Variants in RPA3 observed in about 807,000 individuals in gnomAD.
The protein encoded by RPA3 is replication protein A 14 kDa subunit.
A neutral mutation model predicts 13.7 loss-of-function variants in RPA3; 24 were observed. That is an observed-to-expected ratio of 1.75 (90% CI 1.27 to 2.46). RPA3 has a LOEUF of 2.46. RPA3 is among the 30% of genes most tolerant of loss of function. RPA3 has a pLI of 0.00. For synonymous variants in RPA3, 59 were observed against 51.2 expected, an observed-to-expected ratio of 1.15 and a Z score of -0.65; for missense variants, 183 against 151.0, an observed-to-expected ratio of 1.21 and a Z score of -1.11.
chr7:7,692,690 A>G (rs894108962), intron 2 of RPA3, among the ~76,000 whole-genome samples: 1 of 152,062 alleles, frequency 6.6e-6, no homozygotes. Flanking sequence ...GCTCACTGCA[A>G]CCTCCACCTC....
chr7:7,673,312 GCA>G, intron 4 of RPA3: 1 of 210,432 alleles, frequency 4.8e-6, no homozygotes, highest in South Asian at 7.7e-5. Flanking sequence ...ATTTCAGGTA[GCA>G]GCAGCAGCAG....
At chr7:7,683,172 G>T (rs1779954548) in intron 4 of RPA3, among the ~76,000 whole-genome samples, 1 of 152,046 alleles carries the variant, frequency 6.6e-6, no homozygotes, top group African/African-American at 2.4e-5. Context: ...ATTTTTTTCG[G>T]GGACTCAGTG....
At chr7:7,647,630 C>A (rs1785125794) in intron 4 of RPA3, among the ~76,000 whole-genome samples, 1 of 152,154 alleles carries the variant, frequency 6.6e-6, no homozygotes, top group African/African-American at 2.4e-5. Context: ...CTTTAAGAGA[C>A]AGGGTCTTCC....
At chr7:7,704,645 G>A (rs563265427) in intron 2 of RPA3, among the ~76,000 whole-genome samples, 233 of 149,198 alleles carry the variant, frequency 1.6e-3, no homozygotes, top group African/African-American at 5.5e-3. Context: ...ATGCACGTCT[G>A]TAGTCCCAGC....
At chr7:7,658,172 A>C (rs143912485) in intron 4 of RPA3, among the ~76,000 whole-genome samples, 2,643 of 152,226 alleles carry the variant, frequency 0.017, 75 homozygotes, top group African/African-American at 0.06. Context: ...TATCCTGAGA[A>C]TTTGCTGAAG....
intron 4 of RPA3, among the ~76,000 whole-genome samples, chr7:7,661,138 T>C (rs1436178318): frequency 6.6e-6 from 1 of 152,196 alleles, no homozygotes; most frequent in Non-Finnish European, 1.5e-5. Context: ...TTCAGGAAGT[T>C]CTTGTGCTGT....
intron 3 of RPA3, among the ~76,000 whole-genome samples, chr7:7,686,924 A>T (rs998528680): frequency 6.6e-6 from 1 of 152,166 alleles, no homozygotes; most frequent in African/African-American, 2.4e-5. Flanking sequence ...TGGAATGTGG[A>T]TATGATGATT....
intron 4 of RPA3, 64 bp from the exon 5 acceptor site, chr7:7,641,239 G>A (rs532282448): frequency 6.6e-6 from 1 of 152,304 alleles, no homozygotes; most frequent in South Asian, 2.1e-4. Context: ...TGGCCACACT[G>A]CGGAGGCGCC....
chr7:7,639,010 C>G, intron 6 of RPA3, 60 bp downstream of exon 6: 1 of 1,324,720 alleles, frequency 7.5e-7, no homozygotes. Context: ...CGGCAACAAA[C>G]CAAATCAAGA....
chr7:7,656,050 G>C (rs963154735), intron 4 of RPA3, among the ~76,000 whole-genome samples: 4 of 152,000 alleles, frequency 2.6e-5, no homozygotes. Flanking sequence ...GGTCAGGCTG[G>C]TCTCAAACTC....
chr7:7,701,988 G>T (rs2115155410), intron 2 of RPA3, among the ~76,000 whole-genome samples: 1 of 152,202 alleles, frequency 6.6e-6, no homozygotes, highest in East Asian at 1.9e-4. Flanking sequence ...AATAAGAGTG[G>T]CTCATGATTT....
chr7:7,695,518 A>G (rs967563418), intron 2 of RPA3, among the ~76,000 whole-genome samples: 1 of 152,112 alleles, frequency 6.6e-6, no homozygotes, highest in Non-Finnish European at 1.5e-5. Flanking sequence ...ACTTTCAGGC[A>G]TAGAACTTCC....
rs1172092316 is a variant in RPA3 at position 7,640,268 on chromosome 7, G to T, written c.99+52C>A. 3 of 1,568,002 alleles carry T rather than the reference G, an allele frequency of 1.9e-6. No homozygotes were observed. In the African/African-American group the frequency reaches 4.1e-5, roughly 21 times the overall value. On this transcript the variant is annotated intron_variant, in intron 5 of 7. Transcript: ENST00000223129. Reference sequence around the variant, plus strand: ...TTTCATCCCCCGTTATCCAGGCGGGGTCCCTCCCTCCAGCTACGGACTTGG... The same window carrying T: ...TTTCATCCCCCGTTATCCAGGCGGGTTCCCTCCCTCCAGCTACGGACTTGG...
intron 2 of RPA3, among the ~76,000 whole-genome samples, chr7:7,698,854 C>A (rs1456148268): frequency 6.6e-6 from 1 of 151,102 alleles, no homozygotes; most frequent in African/African-American, 2.4e-5. Context: ...TCGTTTCCAC[C>A]AACTCACCCT....
intron 4 of RPA3, among the ~76,000 whole-genome samples, chr7:7,650,288 T>G (rs17545831): frequency 0.16 from 24,704 of 152,228 alleles, 2,351 homozygotes; most frequent in Middle Eastern, 0.24. Context: ...TATCATTTTC[T>G]TTACTTAATA....
At chr7:7,643,720 AAAAAACAAACAAACG>A (rs1287816092) in intron 4 of RPA3, among the ~76,000 whole-genome samples, 2,798 of 11,006 alleles carry the variant, frequency 0.25, 51 homozygotes, top group South Asian at 0.38. Flanking sequence ...TCAAAAAAAA[AAAAAACAAACAAACG>A]AAAAAAAAAG....
At chr7:7,703,583 T>C (rs2115158010) in intron 2 of RPA3, among the ~76,000 whole-genome samples, 1 of 152,186 alleles carries the variant, frequency 6.6e-6, no homozygotes, top group East Asian at 1.9e-4. Flanking sequence ...TACAGGCACT[T>C]ACAACACAGG....
At chr7:7,637,558 T>C (rs1191245833) in intron 7 of RPA3, among the ~76,000 whole-genome samples, 2 of 151,974 alleles carry the variant, frequency 1.3e-5, no homozygotes, top group Non-Finnish European at 2.9e-5. Context: ...GACCAATATA[T>C]ATCAAACTAA....
intron 4 of RPA3, among the ~76,000 whole-genome samples, chr7:7,667,861 T>A (rs1199058480): frequency 6.6e-6 from 1 of 152,228 alleles, no homozygotes; most frequent in Non-Finnish European, 1.5e-5. Context: ...GAATTTGGTT[T>A]AAGATTGTGC....
Sources: allele counts gnomAD v4.1 joint callset (sites outside exome capture counted in the v4.1 genomes callset), GRCh38; gene constraint gnomAD v4.1.1; transcripts MANE v1.5; gene names NCBI Gene and HGNC (gene_info 2026-07-23, HGNC 2026-07-21).